Variants in LRIG2 observed in about 807,000 individuals in gnomAD.
LRIG2 encodes the protein leucine rich repeats and immunoglobulin like domains 2, also known as leucine-rich repeats and immunoglobulin-like domains protein 2.
In LRIG2, 93 loss-of-function variants were observed where a neutral mutation model predicts 107.8. The observed-to-expected ratio is 0.86, with a 90% CI of 0.73 to 1.03. LRIG2 has a LOEUF of 1.03. Among genes scored for constraint, LRIG2 ranks in the 50% least tolerant of loss-of-function variants. The pLI is 0.00. For synonymous variants in LRIG2, 471 were observed against 470.6 expected (o/e 1.00, Z -0.01); for missense variants, 1,226 against 1,296.0 (o/e 0.95, Z 0.83).
intron 15 of LRIG2, among the ~76,000 whole-genome samples, chr1:113,115,263 A>C (rs1654954882): frequency 6.6e-6 from 1 of 152,214 alleles, no homozygotes; most frequent in South Asian, 2.1e-4. Context: ...TGCCCAGGTC[A>C]GAGTGTATCG....
rs35515644 is a variant in LRIG2 at position 113,089,676 on chromosome 1, C to CTTTTTTTTTTTTTT, written c.240-1633_240-1620dup. Reference sequence around the variant, plus strand: ...ATTTCCTCTTACTGAAGGTGGATTGCTTTTTTTTTTTTTTTTTTTTTTGGA... The same window carrying CTTTTTTTTTTTTTT: ...ATTTCCTCTTACTGAAGGTGGATTGCTTTTTTTTTTTTTTTTTTTTTTTTTTTTTTTTTTTTGGA... On this transcript the variant is annotated intron_variant, in intron 1 of 17. Coordinates refer to ENST00000361127, the MANE Select transcript of LRIG2 (RefSeq NM_014813.3). 4.2e-5 allele frequency among the ~76,000 whole-genome samples: 3 copies of CTTTTTTTTTTTTTT among 71,672 alleles called. 1 individual carries two copies. Among genetic ancestry groups the CTTTTTTTTTTTTTT allele is most frequent in the Non-Finnish European group, 7.6e-5 (3 of 39,520 alleles). 47.0% of individuals were successfully genotyped at this position (71,672 alleles called of 152,430 possible). A position where few individuals can be genotyped will look rare whatever the true frequency, so the allele number is the denominator to read the frequency against.
At chr1:113,101,852 A>G (rs896165840) in intron 11 of LRIG2, among the ~76,000 whole-genome samples, 4 of 152,256 alleles carry the variant, frequency 2.6e-5, no homozygotes, top group African/African-American at 9.6e-5. Context: ...TATGTAGGAT[A>G]CTGTTCTGGA....
At position 113,098,419 on chromosome 1, in the gene LRIG2, C is replaced by G. The variant is rs114070689; in HGVS notation, c.1092-286C>G. Among the ~76,000 whole-genome samples, 695 of 152,268 alleles carry G rather than the reference C, an allele frequency of 4.6e-3. 7 individuals are homozygous for G. Among genetic ancestry groups the G allele is most frequent in the African/African-American group, 0.016 (667 of 41,548 alleles). The stretch of plus-strand genomic sequence containing the variant: ...TTTAATATGCTAACATAATGAAGGG[C>G]TCTTTGCTTGGAAGAGTAATACTTT... On this transcript the variant is annotated intron_variant, in intron 8 of 17. Transcript: ENST00000361127.
rs1351949299 is a variant in LRIG2, at chr1:113,089,698, T to TTTTTTG, written c.240-1620_240-1619insTTTTTG. Among the ~76,000 whole-genome samples, 9 of 144,524 alleles carry TTTTTTG rather than the reference T, an allele frequency of 6.2e-5. 1 individual carries two copies. The highest frequency in any genetic ancestry group is 2.0e-4 in the East Asian group (1 of 4,960). 94.8% of individuals were successfully genotyped at this position (144,524 alleles called of 152,430 possible). ...TTGCTTTTTTTTTTTTTTTTTTTTT[T>TTTTTTG]GGAGACAGAGTCTTGCTTTGTCACC... On this transcript the variant is annotated intron_variant, in intron 1 of 17. Coordinates refer to ENST00000361127, the MANE Select transcript of LRIG2 (RefSeq NM_014813.3).
At chr1:113,087,157 A>G (rs964312787) in intron 1 of LRIG2, among the ~76,000 whole-genome samples, 13 of 152,172 alleles carry the variant, frequency 8.5e-5, no homozygotes, top group African/African-American at 3.1e-4. Flanking sequence ...TCTTAAGTAC[A>G]TTTTAGGGAT....
At chr1:113,113,697 G>C (rs1382316600) in intron 14 of LRIG2, among the ~76,000 whole-genome samples, 6 of 151,800 alleles carry the variant, frequency 4.0e-5, no homozygotes, top group Admixed American at 3.3e-4. Context: ...TGAGTAGCTG[G>C]TACTACAGGC....
chr1:113,093,455 A>C lies in LRIG2; in HGVS notation c.406A>C (p.Asn136His). 1 of 1,613,956 alleles carries C rather than the reference A, an allele frequency of 6.2e-7. No homozygotes were observed. Among genetic ancestry groups the C allele is most frequent in the Non-Finnish European group, 8.5e-7 (1 of 1,179,922 alleles). The change falls in exon 4 of 18, where the codon AAT becomes CAT. Residue 136 changes from asparagine (N) to histidine (H), a missense_variant. This residue lies in a region of LRIG2 where 570 missense variants were observed against 550.2 expected (regional missense o/e 1.04). Coordinates refer to ENST00000361127, the MANE Select transcript of LRIG2 (RefSeq NM_014813.3). The part of the protein sequence containing the change: ...SLVHNIIPEI[N>H]AQALQFYPAL... ...AGTCCATAATATAATCCCAGAAATA[A>C]ATGCACAGGCACTCCAGTTTTACCC... is the stretch of plus-strand genomic sequence containing the variant.
Position 113,094,437 on chromosome 1 carries a change from G to A in LRIG2, c.614G>A (p.Ser205Asn), listed in dbSNP as rs898569562. The change falls in exon 5 of 18, where the codon AGC becomes AAC. Residue 205 changes from serine (S) to asparagine (N), a missense_variant. Coordinates refer to ENST00000361127, the MANE Select transcript of LRIG2 (RefSeq NM_014813.3). ...LVVKLNRNRM[S>N]MIPPKIFKLP... ...GTAAAGTTAAACCGTAACCGAATGA[G>A]CATGATTCCACCTAAGATCTTCAAG... The A allele has an allele frequency of 1.2e-6, 2 of 1,612,998 alleles. No individual in the cohort carries two copies. The highest frequency in any genetic ancestry group is 1.7e-6 in the Non-Finnish European group (2 of 1,179,836).
intron 2 of LRIG2, 29 bp from the exon 3 acceptor site, chr1:113,093,177 C>A: frequency 7.0e-7 from 1 of 1,424,986 alleles, no homozygotes; most frequent in Non-Finnish European, 9.8e-7. Flanking sequence ...CCTCACTAAA[C>A]ATTTAAATCT....
intron 12 of LRIG2, among the ~76,000 whole-genome samples, chr1:113,108,684 C>T (rs898245274): frequency 1.3e-5 from 2 of 151,656 alleles, no homozygotes; most frequent in African/African-American, 4.8e-5. Flanking sequence ...CGAGACCGGC[C>T]TGGCCAGCAT....
At chr1:113,119,883 C>T (rs895595589) in intron 17 of LRIG2, among the ~76,000 whole-genome samples, 1 of 152,096 alleles carries the variant, frequency 6.6e-6, no homozygotes, top group African/African-American at 2.4e-5. Context: ...AATCTTGGCT[C>T]ATGCCAACCT....
Position 113,098,755 on chromosome 1 carries a change from C to T in LRIG2, c.1142C>T (p.Ala381Val). ...TGGGCCATAGAAGATGCTAGTGAAG[C>T]CTTTGCTGGACTCACAAGTCTCACT... ...ISWAIEDASE[A>V]FAGLTSLTKL... The change falls in exon 9 of 18, where the codon GCC (alanine) becomes GTC (valine). Residue 381 changes from alanine (A) to valine (V), a missense_variant. Ala to Val is a moderately conservative substitution (Grantham distance 64). Coordinates refer to ENST00000361127, the MANE Select transcript of LRIG2 (RefSeq NM_014813.3). The T allele has an allele frequency of 1.2e-6, 2 of 1,612,172 alleles. No homozygotes were observed. Among genetic ancestry groups the T allele is most frequent in the East Asian group, 4.5e-5 (2 of 44,854 alleles).
intron 1 of LRIG2, among the ~76,000 whole-genome samples, chr1:113,078,353 C>G (rs1326930900): frequency 2.6e-5 from 4 of 151,886 alleles, no homozygotes; most frequent in African/African-American, 9.7e-5. Flanking sequence ...ATTCTCCTGC[C>G]TTAGTCTCCC....
chr1:113,094,984 A>T (rs10677378), intron 6 of LRIG2, among the ~76,000 whole-genome samples: 14,108 of 139,702 alleles, frequency 0.1, 1,686 homozygotes, highest in African/African-American at 0.29. Flanking sequence ...ATATATATAT[A>T]TTTTTTTTGA....
intron 1 of LRIG2, among the ~76,000 whole-genome samples, chr1:113,087,748 C>G (rs1454835759): frequency 6.6e-6 from 1 of 152,176 alleles, no homozygotes; most frequent in East Asian, 1.9e-4. Context: ...TGCCTGTGCA[C>G]TCCTGTGTGC....
chr1:113,124,231 C>A lies in LRIG2; in HGVS notation c.*130C>A. The A allele has an allele frequency of 1.3e-6, 1 of 767,114 alleles. No individual in the cohort carries two copies. 47.5% of individuals were successfully genotyped at this position (767,114 alleles called of 1,614,324 possible). A position where few individuals can be genotyped will look rare whatever the true frequency, so the allele number is the denominator to read the frequency against. On this transcript the variant is annotated 3_prime_UTR_variant, in exon 18 of 18. Transcript: ENST00000361127. ...TCTTTATGATTGCATCTGACCGCAC[C>A]AAGGTGGGCCATGCGTTGTTTGGTC...
At chr1:113,079,805 A>G (rs1346412896) in intron 1 of LRIG2, among the ~76,000 whole-genome samples, 1 of 147,566 alleles carries the variant, frequency 6.8e-6, no homozygotes, top group Non-Finnish European at 1.5e-5. Flanking sequence ...GGAGTGGCAC[A>G]ATCTCGGCTC....
Position 113,096,028 on chromosome 1 carries a change from G to C in LRIG2, c.947+11G>C. ...AAGACTATCCGAACTGTAAGTGTTG[G>C]ATAGCATTTCACTGGAGGCAGTTAA... is the stretch of plus-strand genomic sequence containing the variant. On this transcript the variant is annotated intron_variant, in intron 7 of 17. Transcript: ENST00000361127. The C allele has an allele frequency of 6.2e-7, 1 of 1,614,082 alleles. No individual in the cohort carries two copies.
rs1183292725 is a variant in LRIG2 at position 113,125,274 on chromosome 1, T to G, written c.*1173T>G. The G allele has an allele frequency of 6.6e-6, 1 of 152,250 alleles. No homozygotes were observed. The highest frequency in any genetic ancestry group is 2.4e-5 in the African/African-American group (1 of 41,454). 9.4% of individuals were successfully genotyped at this position (152,250 alleles called of 1,614,324 possible). ...ACACATAAACACAGTCTTGGTGTAATTAACCGCCTTCTTCATGCCTAGAGG... is the reference window on the plus strand; with the variant it reads ...ACACATAAACACAGTCTTGGTGTAAGTAACCGCCTTCTTCATGCCTAGAGG... On this transcript the variant is annotated 3_prime_UTR_variant, in exon 18 of 18. Coordinates refer to ENST00000361127, the MANE Select transcript of LRIG2 (RefSeq NM_014813.3).
Sources: gnomAD v4.1 joint callset for allele counts (sites outside exome capture counted in the v4.1 genomes callset) on GRCh38, gnomAD v4.1.1 for gene constraint, gnomAD v4.1.1 regional missense constraint, MANE v1.5 for transcripts, NCBI Gene and HGNC (gene_info 2026-07-23, HGNC 2026-07-21) for gene names.